Variants in LSAMP observed in about 807,000 individuals in gnomAD.
LSAMP encodes the protein limbic system associated membrane protein.
LSAMP carries 7 observed loss-of-function variants against 38.6 expected under a neutral mutation model. The observed-to-expected ratio is 0.18, with a 90% confidence interval of 0.10 to 0.34. The LOEUF is 0.34. LSAMP is among the 10% of genes least tolerant of loss of function. LSAMP has a pLI of 1.00. For missense variants in LSAMP, 313 were observed against 420.0 expected (o/e 0.75, Z 2.23); for synonymous variants, 154 against 166.8 (o/e 0.92, Z 0.59).
chr3:116,348,867 C>T (rs999456763), intron 1 of LSAMP, among the ~76,000 whole-genome samples: 14 of 152,044 alleles, frequency 9.2e-5, no homozygotes, highest in Admixed American at 6.6e-5. Context: ...AATTAATATT[C>T]GGAAATTACC....
intron 1 of LSAMP, among the ~76,000 whole-genome samples, chr3:116,155,601 TTAATG>T (rs1709727914): frequency 6.6e-6 from 1 of 151,586 alleles, no homozygotes; most frequent in African/African-American, 2.4e-5. Flanking sequence ...TGATAAGTAT[TTAATG>T]TGATGTATAC....
At chr3:115,942,239 T>C (rs1170771283) in intron 3 of LSAMP, among the ~76,000 whole-genome samples, 1 of 152,176 alleles carries the variant, frequency 6.6e-6, no homozygotes, top group East Asian at 1.9e-4. Context: ...TAGTGTCTCT[T>C]TTGAGTTCCA....
intron 6 of LSAMP, among the ~76,000 whole-genome samples, chr3:115,815,317 C>T (rs1006076553): frequency 6.6e-6 from 1 of 152,132 alleles, no homozygotes; most frequent in Admixed American, 6.5e-5. Flanking sequence ...TCTGTACTAT[C>T]TGCAGTTTCA....
At chr3:116,217,141 C>G (rs1033881075) in intron 1 of LSAMP, among the ~76,000 whole-genome samples, 1 of 152,146 alleles carries the variant, frequency 6.6e-6, no homozygotes, top group African/African-American at 2.4e-5. Flanking sequence ...CTGCTGGTGG[C>G]TGTTCTGGTA....
chr3:116,217,574 T>A (rs1468002), intron 1 of LSAMP, among the ~76,000 whole-genome samples: 90,635 of 152,098 alleles, frequency 0.6, 27,983 homozygotes, highest in East Asian at 0.77. Context: ...TGAGAAGAAG[T>A]ACATTGGATT....
intron 1 of LSAMP, among the ~76,000 whole-genome samples, chr3:116,273,187 A>C (rs1326230753): frequency 3.3e-5 from 5 of 152,018 alleles, no homozygotes; most frequent in Non-Finnish European, 5.9e-5. Context: ...GTCCCTATCA[A>C]TCCTATCTCC....
At chr3:116,113,417 TA>T (rs57815277) in intron 1 of LSAMP, among the ~76,000 whole-genome samples, 822 of 51,714 alleles carry the variant, frequency 0.016, 22 homozygotes, top group African/African-American at 0.062. Context: ...TATATATATA[TA>T]TATTTTTTTT....
At chr3:116,401,629 G>A (rs1412878867) in intron 1 of LSAMP, among the ~76,000 whole-genome samples, 1 of 152,134 alleles carries the variant, frequency 6.6e-6, no homozygotes, top group Non-Finnish European at 1.5e-5. Context: ...AGACTCAAGT[G>A]TAATCTTCTC....
intron 1 of LSAMP, among the ~76,000 whole-genome samples, chr3:116,427,753 T>C (rs2049223402): frequency 1.3e-5 from 2 of 152,272 alleles, no homozygotes; most frequent in South Asian, 4.1e-4. Flanking sequence ...GTTGAACATT[T>C]ATTTAATCCT....
At chr3:115,997,753 T>TATATATATACAC (rs1377845663) in intron 3 of LSAMP, among the ~76,000 whole-genome samples, 1 of 124,980 alleles carries the variant, frequency 8.0e-6, no homozygotes, top group African/African-American at 3.2e-5. Context: ...TATATATATA[T>TATATATATACAC]ACACACACAT....
chr3:115,867,279 A>G (rs982016003), intron 3 of LSAMP, among the ~76,000 whole-genome samples: 1 of 152,136 alleles, frequency 6.6e-6, no homozygotes, highest in African/African-American at 2.4e-5. Context: ...AAATCTCTTC[A>G]GCCTTCCCAA....
At chr3:115,981,717 T>C (rs973237205) in intron 3 of LSAMP, among the ~76,000 whole-genome samples, 2 of 152,182 alleles carry the variant, frequency 1.3e-5, no homozygotes, top group African/African-American at 4.8e-5. Context: ...CCATGTTCTC[T>C]TGCAGACCTG....
At chr3:115,843,983 A>G (rs1935078807) in intron 4 of LSAMP, among the ~76,000 whole-genome samples, 1 of 152,220 alleles carries the variant, frequency 6.6e-6, no homozygotes, top group South Asian at 2.1e-4. Flanking sequence ...CTAAATGGGA[A>G]GATGCTGTCA....
At chr3:116,182,704 C>T (rs1028375664) in intron 1 of LSAMP, among the ~76,000 whole-genome samples, 3 of 151,714 alleles carry the variant, frequency 2.0e-5, no homozygotes, top group Non-Finnish European at 4.4e-5. Context: ...TTGTTGCTTG[C>T]TTGTTTTTTT....
intron 2 of LSAMP, among the ~76,000 whole-genome samples, chr3:116,043,718 G>A (rs1386145906): frequency 6.6e-6 from 1 of 152,234 alleles, no homozygotes; most frequent in Non-Finnish European, 1.5e-5. Context: ...GGCCGAGGCA[G>A]GCGGATCACG....
intron 1 of LSAMP, among the ~76,000 whole-genome samples, chr3:116,357,761 T>C (rs569847987): frequency 1.3e-5 from 2 of 152,096 alleles, no homozygotes; most frequent in East Asian, 3.8e-4. Context: ...AAAGCTAATA[T>C]AAGTAAATAA....
chr3:116,113,784 G>A (rs889019686), intron 1 of LSAMP, among the ~76,000 whole-genome samples: 3 of 151,974 alleles, frequency 2.0e-5, no homozygotes, highest in South Asian at 4.1e-4. Flanking sequence ...CATTGCTATT[G>A]TTTTTATTAT....
chr3:116,286,009 G>T (rs940685060), intron 1 of LSAMP, among the ~76,000 whole-genome samples: 1 of 152,166 alleles, frequency 6.6e-6, no homozygotes, highest in African/African-American at 2.4e-5. Context: ...GACTGTGGGG[G>T]AGCCAGTCTA....
chr3:115,970,174 T>G (rs1275281935), intron 3 of LSAMP, among the ~76,000 whole-genome samples: 1 of 152,098 alleles, frequency 6.6e-6, no homozygotes, highest in African/African-American at 2.4e-5. Context: ...CAGAAAATAA[T>G]AAGACCATCC....
Sources: allele counts gnomAD v4.1 joint callset (sites outside exome capture counted in the v4.1 genomes callset), GRCh38; gene constraint gnomAD v4.1.1; transcripts MANE v1.5; gene names NCBI Gene and HGNC (gene_info 2026-07-23, HGNC 2026-07-21).